Variants in SLC16A8 observed in about 807,000 individuals in gnomAD.
SLC16A8 encodes the protein solute carrier family 16 member 8, also known as monocarboxylate transporter 3.
A neutral mutation model predicts 22.4 loss-of-function variants in SLC16A8; 20 were observed. That is an observed-to-expected ratio of 0.89 (90% confidence interval 0.63 to 1.30). The LOEUF is 1.30. SLC16A8 is among the 50% of genes most tolerant of loss of function. The pLI, the probability that SLC16A8 is intolerant of heterozygous loss-of-function variation, is 0.00. For synonymous variants in SLC16A8, 393 were observed against 358.8 expected, an observed-to-expected ratio of 1.10 and a Z score of -1.08; for missense variants, 817 against 740.3, an observed-to-expected ratio of 1.10 and a Z score of -1.20.
intron 5 of SLC16A8, 63 bp downstream of exon 5, chr22:38,080,777 G>A (rs917047891): frequency 2.8e-6 from 4 of 1,430,844 alleles, no homozygotes; most frequent in East Asian, 2.6e-5. Context: ...GAGACAGGGG[G>A]ATGGAGCTTC....
In SLC16A8 at chr22:38,081,127, G is replaced by A; in HGVS notation, c.911C>T (p.Pro304Leu). The A allele has an allele frequency of 6.5e-7, 1 of 1,543,554 alleles. No individual in the cohort carries two copies. Among genetic ancestry groups the A allele is most frequent in the South Asian group, 1.2e-5 (1 of 83,572 alleles). Residue 304 changes from proline (P) to leucine (L), a missense_variant, in exon 5 of 6, where the codon CCG becomes CTG. Physicochemically the swap from Pro to Leu is moderately conservative, Grantham distance 98. Transcript: ENST00000681075. The part of the protein sequence containing the change: ...IVGFVDIVAR[P>L]ACGALAGLAR... ...CAGGCCCGCCAGGGCGCCGCACGCC[G>A]GGCGCGCCACGATGTCCACGAAGCC... is the stretch of plus-strand genomic sequence containing the variant.
At chr22:38,082,562 C>T (rs2085934672) in intron 3 of SLC16A8, 98 bp downstream of exon 3, 2 of 1,043,126 alleles carry the variant, frequency 1.9e-6, no homozygotes, top group African/African-American at 3.2e-5. Flanking sequence ...CTTCGGGGGC[C>T]ACCCCGAGGG....
rs765385127 is a variant in SLC16A8 at position 38,080,879 on chromosome 22, C to G, written c.1159G>C (p.Val387Leu). Reference sequence around the variant, plus strand: ...CCGATGAGCACAGCCGCGGCCTCCACGAGCAACACCAGGCCCAGCGCACTG... The same window carrying G: ...CCGATGAGCACAGCCGCGGCCTCCAGGAGCAACACCAGGCCCAGCGCACTG... Reference protein sequence around the residue: ...FPSALGLVLLVEAAAVLIGPP... With the variant: ...FPSALGLVLLLEAAAVLIGPP... The change falls in exon 5 of 6, where the codon GTG becomes CTG. Residue 387 changes from valine (V) to leucine (L), a missense_variant. Physicochemically the swap from Val to Leu is conservative, Grantham distance 32 (BLOSUM62 1). Transcript: ENST00000681075. The G allele has an allele frequency of 1.7e-5, 27 of 1,549,786 alleles. No homozygotes were observed. Among genetic ancestry groups the G allele is most frequent in the Non-Finnish European group, 2.3e-5 (27 of 1,155,032 alleles).
intron 5 of SLC16A8, 123 bp downstream of exon 5, chr22:38,080,717 G>C (rs2085901420): frequency 6.1e-6 from 8 of 1,318,240 alleles, no homozygotes; most frequent in Non-Finnish European, 7.0e-6. Flanking sequence ...CCGTGAAGGG[G>C]AGTCCACCCA....
Position 38,082,713 on chromosome 22 carries a change from T to C in SLC16A8, c.161A>G (p.Tyr54Cys). The stretch of plus-strand genomic sequence containing the variant: ...GGAGGACACCCAGGCCGTGTCGCTG[T>C]AGCCGGCGTCGAAGTCGCGCATGAG... ...RALMRDFDAG[Y>C]SDTAWVSSIM... is the part of the protein sequence containing the mutation. Residue 54 changes from tyrosine to cysteine, a missense_variant, in exon 3 of 6, where the codon TAC becomes TGC. Transcript: ENST00000681075. The C allele has an allele frequency of 2.5e-6, 4 of 1,591,724 alleles. No homozygotes were observed. The highest frequency in any genetic ancestry group is 3.4e-6 in the Non-Finnish European group (4 of 1,170,884).
chr22:38,082,372 G>T (rs899694187), intron 3 of SLC16A8, among the ~76,000 whole-genome samples: 1 of 152,244 alleles, frequency 6.6e-6, no homozygotes, highest in African/African-American at 2.4e-5. Flanking sequence ...GCTGCGGGGA[G>T]GGGGAGTGCT....
rs2085903464 is a variant in SLC16A8 at position 38,080,848 on chromosome 22, G to A, written c.1190C>T (p.Pro397Leu). ...VEAAAVLIGPPSAGRLVDVLK... is the reference protein window; with the variant it reads ...VEAAAVLIGPLSAGRLVDVLK... Reference sequence around the variant, plus strand: ...CTTCCTTCGGGGCGCACCGGCAGAGGGCGGTCCGATGAGCACAGCCGCGGC... The same window carrying A: ...CTTCCTTCGGGGCGCACCGGCAGAGAGCGGTCCGATGAGCACAGCCGCGGC... Residue 397 changes from proline to leucine, a missense_variant, in exon 5 of 6, where the codon CCC becomes CTC. Coordinates refer to ENST00000681075, the MANE Select transcript of SLC16A8 (RefSeq NM_013356.3). The A allele has an allele frequency of 1.3e-6, 2 of 1,513,658 alleles. No homozygotes were observed. The highest frequency in any genetic ancestry group is 1.8e-6 in the Non-Finnish European group (2 of 1,137,584). 93.8% of individuals were successfully genotyped at this position (1,513,658 alleles called of 1,614,324 possible).
Position 38,080,846 on chromosome 22 carries a change from AGGGCGGTCCGATGAGCACAGCCGCG to A in SLC16A8, c.1167_1191del (p.Ala390LeufsTer9). 1 of 1,506,576 alleles carries A rather than the reference AGGGCGGTCCGATGAGCACAGCCGCG, an allele frequency of 6.6e-7. No individual in the cohort carries two copies. Among genetic ancestry groups the A allele is most frequent in the South Asian group, 1.3e-5 (1 of 78,998 alleles). 93.3% of individuals were successfully genotyped at this position (1,506,576 alleles called of 1,614,324 possible). A position where few individuals can be genotyped will look rare whatever the true frequency, so the allele number is the denominator to read the frequency against. The stretch of plus-strand genomic sequence containing the variant: ...CTCTTCCTTCGGGGCGCACCGGCAG[AGGGCGGTCCGATGAGCACAGCCGCG>A]GCCTCCACGAGCAACACCAGGCCCA... On this transcript the variant is annotated frameshift_variant, in exon 5 of 6. Transcript: ENST00000681075. LOFTEE classifies it low-confidence loss of function (END_TRUNC).
intron 3 of SLC16A8, 110 bp from the exon 4 acceptor site, chr22:38,082,142 G>A: frequency 7.7e-7 from 1 of 1,291,212 alleles, no homozygotes; most frequent in South Asian, 1.5e-5. Context: ...GTCTGGCCAA[G>A]GTCACACAGC....
rs1569210686 is a variant in SLC16A8 at position 38,083,034 on chromosome 22, ACT to A, written c.-9+6_-9+7del. 3 of 600,662 alleles carry A rather than the reference ACT, an allele frequency of 5.0e-6. No homozygotes were observed. Among genetic ancestry groups the A allele is most frequent in the African/African-American group, 3.7e-5 (2 of 53,840 alleles). The allele number at this position is 600,662 out of a possible 1,614,324, so 37.2% of individuals were successfully genotyped here. ...AACCAAAAGGGGAAACGGAGGTAGG[ACT>A]CTCACCCCAAGTCTCCTTCTCCTGC... On this transcript the variant is annotated splice_donor_region_variant and intron_variant, in intron 2 of 5. Coordinates refer to ENST00000681075, the MANE Select transcript of SLC16A8 (RefSeq NM_013356.3).
chr22:38,080,039 C>T (rs1303786922), intron 5 of SLC16A8, among the ~76,000 whole-genome samples: 1 of 152,240 alleles, frequency 6.6e-6, no homozygotes, highest in African/African-American at 2.4e-5. Flanking sequence ...AAGGTGTCCT[C>T]CCTGGTTACT....
chr22:38,083,013 A>T (rs2085944769), intron 2 of SLC16A8, 29 bp downstream of exon 2: 1 of 625,786 alleles, frequency 1.6e-6, no homozygotes, highest in Admixed American at 3.0e-5. Flanking sequence ...TCTGGGAACC[A>T]AAAGGGGAAA....
rs776738895 is a variant in SLC16A8 at position 38,078,393 on chromosome 22, C to T, written c.1510G>A (p.Val504Ile). The T allele has an allele frequency of 1.3e-5, 20 of 1,597,548 alleles. No homozygotes were observed. The highest frequency in any genetic ancestry group is 8.4e-5 in the Admixed American group (5 of 59,812). ...CCCACCCAGAGCACCCTGAGTTATACAGACTCGGCAGCCAGCCTCGGCCTC... is the reference window on the plus strand; with the variant it reads ...CCCACCCAGAGCACCCTGAGTTATATAGACTCGGCAGCCAGCCTCGGCCTC... The part of the protein sequence containing the change: ...EARPRLAAES[V>I] Residue 504 changes from valine to isoleucine, a missense_variant, in exon 6 of 6, where the codon GTA (valine) becomes ATA (isoleucine). Val to Ile is a conservative substitution (Grantham distance 29). Transcript: ENST00000681075.
chr22:38,081,034 A>G lies in SLC16A8; in HGVS notation c.1004T>C (p.Leu335Pro), dbSNP rs766571574. ...LALLANGLTDLSSARARSYGA... is the reference protein window; with the variant it reads ...LALLANGLTDPSSARARSYGA... ...GTAGGAGCGCGCGCGTGCGCTGCTCAGGTCTGTGAGCCCATTGGCCAGCAG... is the reference window on the plus strand; with the variant it reads ...GTAGGAGCGCGCGCGTGCGCTGCTCGGGTCTGTGAGCCCATTGGCCAGCAG... The change falls in exon 5 of 6, where the codon CTG becomes CCG. Residue 335 changes from leucine (L) to proline (P), a missense_variant. Coordinates refer to ENST00000681075, the MANE Select transcript of SLC16A8 (RefSeq NM_013356.3). The G allele has an allele frequency of 2.5e-6, 4 of 1,594,424 alleles. No homozygotes were observed. Among genetic ancestry groups the G allele is most frequent in the Admixed American group, 3.4e-5 (2 of 58,378 alleles).
In SLC16A8 at chr22:38,080,893, C is replaced by T. The variant is rs1343296521; in HGVS notation, c.1145G>A (p.Gly382Asp). Reference sequence around the variant, plus strand: ...CGCGGCCTCCACGAGCAACACCAGGCCCAGCGCACTGGGGAAGCGGGGCGC... The same window carrying T: ...CGCGGCCTCCACGAGCAACACCAGGTCCAGCGCACTGGGGAAGCGGGGCGC... ...VGAPRFPSALGLVLLVEAAAV... is the reference protein window; with the variant it reads ...VGAPRFPSALDLVLLVEAAAV... Residue 382 changes from glycine to aspartate, a missense_variant, in exon 5 of 6, where the codon GGC becomes GAC. Coordinates refer to ENST00000681075, the MANE Select transcript of SLC16A8 (RefSeq NM_013356.3). 1.3e-6 allele frequency: 2 copies of T among 1,561,568 alleles called. No homozygotes were observed. Among genetic ancestry groups the T allele is most frequent in the East Asian group, 4.6e-5 (2 of 43,236 alleles).
intron 3 of SLC16A8, among the ~76,000 whole-genome samples, chr22:38,082,344 C>A (rs2085930490): frequency 2.6e-5 from 4 of 152,234 alleles, no homozygotes; most frequent in Admixed American, 1.3e-4. Flanking sequence ...TCCAGCAAGC[C>A]CCCACCTACA....
chr22:38,083,631 C>G (rs1050999224), intron 1 of SLC16A8, among the ~76,000 whole-genome samples: 4 of 152,208 alleles, frequency 2.6e-5, no homozygotes, highest in Admixed American at 2.6e-4. Flanking sequence ...TGGCCTTCTG[C>G]CCTCCAAACC....
At chr22:38,080,097 C>G (rs1377152143) in intron 5 of SLC16A8, among the ~76,000 whole-genome samples, 3 of 152,200 alleles carry the variant, frequency 2.0e-5, no homozygotes, top group African/African-American at 7.2e-5. Flanking sequence ...GGCAGGCTCC[C>G]TTGCTGTTTC....
In SLC16A8 at chr22:38,081,592, G is replaced by T; in HGVS notation, c.446C>A (p.Ala149Glu). ...CAGGAACACGGGGCTGCCCGCCGCC[G>T]CCAGCCCGTTGGCCAGAGGCCGCCG... ...ERRRPLANGL[A>E]AAGSPVFLSA... Residue 149 changes from alanine (A) to glutamate (E), a missense_variant, in exon 5 of 6, where the codon GCG (alanine) becomes GAG (glutamate). Physicochemically the swap from Ala to Glu is moderately radical, Grantham distance 107 (BLOSUM62 -1). Transcript: ENST00000681075. 4 of 1,515,578 alleles carry T rather than the reference G, an allele frequency of 2.6e-6. No individual in the cohort carries two copies. The highest frequency in any genetic ancestry group is 2.6e-6 in the Non-Finnish European group (3 of 1,139,196). The allele number at this position is 1,515,578 out of a possible 1,614,324, so 93.9% of individuals were successfully genotyped here.
Sources: allele counts gnomAD v4.1 joint callset (sites outside exome capture counted in the v4.1 genomes callset), GRCh38; gene constraint gnomAD v4.1.1; transcripts MANE v1.5; gene names NCBI Gene and HGNC (gene_info 2026-07-23, HGNC 2026-07-21).